Variants in PHF2 observed in about 807,000 individuals in gnomAD.
PHF2 encodes PHD finger protein 2.
In PHF2, 27 loss-of-function variants were observed where a neutral mutation model predicts 120.5. That is an observed-to-expected ratio of 0.22 (90% CI 0.17 to 0.31). The LOEUF is 0.31. PHF2 is among the 10% of genes least tolerant of loss of function. The pLI is 1.00. For synonymous variants in PHF2, 568 were observed against 592.5 expected, an observed-to-expected ratio of 0.96 and a Z score of 0.60; for missense variants, 1,024 against 1,434.8, an observed-to-expected ratio of 0.71 and a Z score of 4.63.
intron 4 of PHF2, among the ~76,000 whole-genome samples, chr9:93,646,110 G>A (rs1278869263): frequency 1.3e-5 from 2 of 152,214 alleles, no homozygotes; most frequent in Non-Finnish European, 2.9e-5. Flanking sequence ...TGCCTGGGAG[G>A]CCCTGGTGGT....
chr9:93,619,824 A>G (rs1252489220), intron 1 of PHF2, among the ~76,000 whole-genome samples: 2 of 151,792 alleles, frequency 1.3e-5, no homozygotes, highest in Non-Finnish European at 2.9e-5. Context: ...GGGCCGGCCA[A>G]CTTTGCCTTT....
intron 1 of PHF2, among the ~76,000 whole-genome samples, chr9:93,581,283 C>T (rs1432447869): frequency 3.3e-5 from 5 of 152,144 alleles, no homozygotes; most frequent in Non-Finnish European, 2.9e-5. Flanking sequence ...GCTGTGGCCT[C>T]GCGCTGCAGG....
intron 3 of PHF2, among the ~76,000 whole-genome samples, chr9:93,641,605 C>G (rs765072971): frequency 3.9e-5 from 6 of 152,218 alleles, no homozygotes; most frequent in Non-Finnish European, 8.8e-5. Flanking sequence ...ACCAGAAGAA[C>G]AATTCCACAT....
chr9:93,644,978 C>T (rs1826230258), intron 3 of PHF2, among the ~76,000 whole-genome samples: 2 of 152,104 alleles, frequency 1.3e-5, no homozygotes, highest in South Asian at 2.1e-4. Flanking sequence ...GGGTTGTCAC[C>T]GCACATGCCA....
chr9:93,599,135 C>G (rs1414244269), intron 1 of PHF2, among the ~76,000 whole-genome samples: 1 of 152,210 alleles, frequency 6.6e-6, no homozygotes, highest in Non-Finnish European at 1.5e-5. Context: ...GACCCTCTGC[C>G]AGGGAGATGG....
chr9:93,639,145 A>G (rs73522273), intron 3 of PHF2, among the ~76,000 whole-genome samples: 2,564 of 152,316 alleles, frequency 0.017, 34 homozygotes, highest in Middle Eastern at 0.044. Flanking sequence ...ATTGCTTTCA[A>G]TCTGTAGATC....
chr9:93,676,024 G>T (rs1384014005), intron 20 of PHF2, among the ~76,000 whole-genome samples: 2 of 152,226 alleles, frequency 1.3e-5, no homozygotes, highest in East Asian at 3.8e-4. Flanking sequence ...ACACTGGACA[G>T]CCCTATTCGT....
chr9:93,622,279 G>A (rs966379011), intron 1 of PHF2, among the ~76,000 whole-genome samples: 8 of 152,348 alleles, frequency 5.3e-5, no homozygotes, highest in Middle Eastern at 3.4e-3. Context: ...TCCATACACC[G>A]AGCCTGAGGT....
At chr9:93,584,732 C>T (rs752647230) in intron 1 of PHF2, among the ~76,000 whole-genome samples, 1 of 152,138 alleles carries the variant, frequency 6.6e-6, no homozygotes, top group Non-Finnish European at 1.5e-5. Context: ...GGGCTCCTTG[C>T]GTTCCATATG....
chr9:93,599,015 T>G (rs941334467), intron 1 of PHF2, among the ~76,000 whole-genome samples: 2 of 152,140 alleles, frequency 1.3e-5, no homozygotes, highest in Non-Finnish European at 2.9e-5. Flanking sequence ...TCAGACATGA[T>G]GTCATTTATT....
intron 4 of PHF2, among the ~76,000 whole-genome samples, chr9:93,647,798 A>G (rs1826288019): frequency 6.6e-6 from 1 of 152,180 alleles, no homozygotes; most frequent in African/African-American, 2.4e-5. Context: ...CTGAGGCAGA[A>G]GAATCACCTG....
At chr9:93,659,266 G>A (rs560346282) in intron 10 of PHF2, among the ~76,000 whole-genome samples, 20 of 152,368 alleles carry the variant, frequency 1.3e-4, no homozygotes, top group Admixed American at 9.1e-4. Flanking sequence ...TGGGACCCTT[G>A]TCCATTCCAT....
chr9:93,672,129 C>CAGGTGTAGATGCAGGTGTGGGTGT (rs1564403548), intron 17 of PHF2, among the ~76,000 whole-genome samples: 3 of 30,946 alleles, frequency 9.7e-5, no homozygotes, highest in South Asian at 1.1e-3. Flanking sequence ...GGTGTGGGTG[C>CAGGTGTAGATGCAGGTGTGGGTGT]GGATGTAGGT....
intron 3 of PHF2, among the ~76,000 whole-genome samples, chr9:93,636,964 A>C (rs1826104003): frequency 6.6e-6 from 1 of 152,224 alleles, no homozygotes; most frequent in Admixed American, 6.5e-5. Context: ...GCATGAGGGC[A>C]GAGGACAGAA....
At chr9:93,662,633 T>C (rs1826595548) in intron 12 of PHF2, among the ~76,000 whole-genome samples, 1 of 150,088 alleles carries the variant, frequency 6.7e-6, no homozygotes, top group African/African-American at 2.5e-5. Context: ...ATGGATGGAT[T>C]GGTGGATGAA....
intron 1 of PHF2, among the ~76,000 whole-genome samples, chr9:93,601,641 G>T (rs185984636): frequency 2.4e-4 from 37 of 152,216 alleles, no homozygotes; most frequent in African/African-American, 8.7e-4. Flanking sequence ...GAAGATCAGG[G>T]GATGGCTCAG....
intron 1 of PHF2, among the ~76,000 whole-genome samples, chr9:93,614,896 ATGATGGTGATGATGGTGATAGTAATGG>A (rs1433460296): frequency 2.3e-5 from 3 of 133,064 alleles, no homozygotes; most frequent in South Asian, 2.5e-4. Flanking sequence ...GGTGATGGTA[ATGATGGTGATGATGGTGATAGTAATGG>A]TGATGGTGAT....
intron 1 of PHF2, among the ~76,000 whole-genome samples, chr9:93,601,124 G>GA (rs895833169): frequency 1.3e-4 from 20 of 152,116 alleles, no homozygotes; most frequent in African/African-American, 4.8e-4. Flanking sequence ...TCCCCTAGGA[G>GA]AAAAAAAGGC....
At position 93,656,026 on chromosome 9, in the gene PHF2, T is replaced by G. The variant is rs547790406; in HGVS notation, c.1040+5T>G. ...GAGTGTGGAGATGCAGATGAGGTAG[T>G]GCCTGCCGCGCTGTCTGCCCTCGGG... On this transcript the variant is annotated splice_donor_5th_base_variant and intron_variant, in intron 8 of 21. Coordinates refer to ENST00000359246, the MANE Select transcript of PHF2 (RefSeq NM_005392.4). This position sits in a 1 kb window ranked among gnomAD's most constrained non-coding sequence, Gnocchi z 4.1. 6 of 1,610,074 alleles carry G rather than the reference T, an allele frequency of 3.7e-6. No homozygotes were observed. In the African/African-American group the frequency reaches 8.0e-5, roughly 21 times the overall value.
Sources: gnomAD v4.1 joint callset for allele counts (sites outside exome capture counted in the v4.1 genomes callset) on GRCh38, gnomAD v4.1.1 for gene constraint, Gnocchi (gnomAD v3.1) non-coding constraint, MANE v1.5 for transcripts, NCBI Gene and HGNC (gene_info 2026-07-23, HGNC 2026-07-21) for gene names.